The following ERCC6L2 variants were observed in gnomAD, a reference collection of about 807,000 sequenced individuals.
The protein encoded by ERCC6L2 is ERCC excision repair 6 like 2, also known as DNA excision repair protein ERCC-6-like 2.
In ERCC6L2, 77 loss-of-function variants were observed where a neutral mutation model predicts 132.0. The ratio of observed to expected loss-of-function variants is 0.58; its 90% CI spans 0.49 to 0.71. The LOEUF (loss-of-function observed/expected upper bound fraction) is 0.71, where lower values mean the gene tolerates loss of function less well. Ranked by LOEUF, ERCC6L2 falls within the 30% of genes least tolerant of loss-of-function variation. ERCC6L2 has a pLI of 0.00. For missense variants in ERCC6L2, 1,542 were observed against 1,837.6 expected (o/e 0.84, Z 2.94); for synonymous variants, 583 against 632.4 (o/e 0.92, Z 1.17).
At chr9:95,911,925 T>C (rs1044567224) in intron 4 of ERCC6L2, among the ~76,000 whole-genome samples, 33 of 152,236 alleles carry the variant, frequency 2.2e-4, no homozygotes, top group African/African-American at 8.0e-4. Flanking sequence ...AACATGTTTA[T>C]GCTGCAACTT....
At chr9:95,987,488 C>A (rs1157425644) in intron 17 of ERCC6L2, among the ~76,000 whole-genome samples, 1 of 152,178 alleles carries the variant, frequency 6.6e-6, no homozygotes, top group Non-Finnish European at 1.5e-5. Flanking sequence ...GTGGGGCAGT[C>A]AAATCTTAAA....
At chr9:96,008,485 T>C (rs566063191) in intron 18 of ERCC6L2, among the ~76,000 whole-genome samples, 2 of 152,322 alleles carry the variant, frequency 1.3e-5, no homozygotes, top group East Asian at 3.9e-4. Context: ...GTTAATTCTT[T>C]GTGCCCTCTG....
At chr9:95,902,710 G>A (rs183209867) in intron 3 of ERCC6L2, among the ~76,000 whole-genome samples, 1 of 152,080 alleles carries the variant, frequency 6.6e-6, no homozygotes, top group East Asian at 1.9e-4. Flanking sequence ...GTTTGCACTA[G>A]GTATTAGCAA....
Position 95,881,096 on chromosome 9 carries a change from C to G in ERCC6L2, c.274C>G (p.Pro92Ala). The change falls in exon 2 of 19, where the codon CCT becomes GCT. Residue 92 changes from proline (P) to alanine (A), a missense_variant. Around this residue, in one of 4 missense-constraint regions of ERCC6L2, gnomAD observed 153 missense variants for 132.3 expected, o/e 1.16. Coordinates refer to ENST00000653738, the MANE Select transcript of ERCC6L2 (RefSeq NM_020207.7). ...ATTTGATGATGAAGATTTAGAAAAA[C>G]CTTATTTCCCAAACCGAAAATTTCC... is the stretch of plus-strand genomic sequence containing the variant. ...LIFDDEDLEK[P>A]YFPNRKFPSS... 6.2e-7 allele frequency: 1 copy of G among 1,613,116 alleles called. No homozygotes were observed. Among genetic ancestry groups the G allele is most frequent in the Non-Finnish European group, 8.5e-7 (1 of 1,179,744 alleles).
chr9:95,976,608 C>T (rs1832683626), intron 16 of ERCC6L2, among the ~76,000 whole-genome samples: 1 of 152,138 alleles, frequency 6.6e-6, no homozygotes, highest in African/African-American at 2.4e-5. Flanking sequence ...ATTTTCCCCA[C>T]CTGCTTGTAC....
chr9:96,018,960 T>C (rs1834239129), downstream of ERCC6L2, among the ~76,000 whole-genome samples: 1 of 152,202 alleles, frequency 6.6e-6, no homozygotes, highest in African/African-American at 2.4e-5. Context: ...TTTCGTTAGC[T>C]AAATAGGCCT....
At chr9:95,878,147 C>T (rs1827388460) in intron 1 of ERCC6L2, among the ~76,000 whole-genome samples, 1 of 152,166 alleles carries the variant, frequency 6.6e-6, no homozygotes, top group African/African-American at 2.4e-5. Context: ...TGCCTGTGGG[C>T]TAAAACTGGT....
chr9:95,900,931 A>G (rs1331560565), intron 3 of ERCC6L2, among the ~76,000 whole-genome samples: 2 of 152,094 alleles, frequency 1.3e-5, no homozygotes, highest in Non-Finnish European at 2.9e-5. Flanking sequence ...TTCAGAGGCC[A>G]GGTGTGGTGG....
intron 17 of ERCC6L2, among the ~76,000 whole-genome samples, chr9:95,988,612 C>T (rs1245726400): frequency 1.3e-5 from 2 of 152,262 alleles, no homozygotes; most frequent in African/African-American, 4.8e-5. Flanking sequence ...GGCAAATATC[C>T]TCCAGAAATT....
At position 95,974,236 on chromosome 9, in the gene ERCC6L2, A is replaced by G. The variant is rs568180327; in HGVS notation, c.3337+1148A>G. 2.0e-5 allele frequency among the ~76,000 whole-genome samples: 3 copies of G among 152,166 alleles called. No homozygotes were observed. In the South Asian group the frequency reaches 6.2e-4, roughly 32 times the overall value. ...AAGAGGTACTTCACTACTTCCCTTCATTATTGCTTACCCAGTGGCGCAGTT... is the reference window on the plus strand; with the variant it reads ...AAGAGGTACTTCACTACTTCCCTTCGTTATTGCTTACCCAGTGGCGCAGTT... On this transcript the variant is annotated intron_variant, in intron 16 of 18. Transcript: ENST00000653738.
chr9:96,036,806 G>A (rs13283633), intron 19 of ERCC6L2, among the ~76,000 whole-genome samples: 7,795 of 141,456 alleles, frequency 0.055, 326 homozygotes, highest in Middle Eastern at 0.12. Context: ...TCACTCTGTC[G>A]CCCAGGCTGG....
intron 3 of ERCC6L2, among the ~76,000 whole-genome samples, chr9:95,905,524 A>T (rs1056804829): frequency 6.6e-6 from 1 of 152,190 alleles, no homozygotes. Flanking sequence ...TCATCTCGTA[A>T]TATACAAAAA....
chr9:95,950,345 A>G (rs1831272949), intron 12 of ERCC6L2, among the ~76,000 whole-genome samples: 1 of 152,206 alleles, frequency 6.6e-6, no homozygotes, highest in Non-Finnish European at 1.5e-5. Flanking sequence ...AAGTATATGT[A>G]AAAGGAAATG....
chr9:96,009,146 G>A (rs769860398), intron 18 of ERCC6L2, among the ~76,000 whole-genome samples: 1 of 152,240 alleles, frequency 6.6e-6, no homozygotes, highest in Non-Finnish European at 1.5e-5. Context: ...CGGGGAGTTT[G>A]CTTTTGGAAT....
At chr9:95,918,529 A>T in intron 6 of ERCC6L2, 1 of 482,534 alleles carries the variant, frequency 2.1e-6, no homozygotes, top group Non-Finnish European at 4.1e-6. Flanking sequence ...GCTAAAGACA[A>T]AATGATGAAT....
rs973459296 is a variant in ERCC6L2, at chr9:96,018,031, G to C, written c.*4828G>C. Among the ~76,000 whole-genome samples, 4 of 152,166 alleles carry C rather than the reference G, an allele frequency of 2.6e-5. No homozygotes were observed. Among genetic ancestry groups the C allele is most frequent in the Non-Finnish European group, 5.9e-5 (4 of 68,030 alleles). ...TGATTCCACTTATATAAAGTACCTAGATTAGTCAGATTCATAGAGACAAAG... is the reference window on the plus strand; with the variant it reads ...TGATTCCACTTATATAAAGTACCTACATTAGTCAGATTCATAGAGACAAAG... On this transcript the variant is annotated 3_prime_UTR_variant, in exon 19 of 19. Transcript: ENST00000653738.
At chr9:95,913,548 C>T (rs1182603975) in intron 4 of ERCC6L2, among the ~76,000 whole-genome samples, 1 of 152,064 alleles carries the variant, frequency 6.6e-6, no homozygotes, top group Non-Finnish European at 1.5e-5. Flanking sequence ...TGACATAAAA[C>T]GTACCCTTGT....
At chr9:95,967,556 C>T (rs1832214105) in intron 14 of ERCC6L2, 3 of 152,128 alleles carry the variant, frequency 2.0e-5, no homozygotes. Context: ...TACATAATAA[C>T]CATGCAATGT....
At chr9:95,963,119 A>C (rs1831987895) in intron 13 of ERCC6L2, among the ~76,000 whole-genome samples, 1 of 151,228 alleles carries the variant, frequency 6.6e-6, no homozygotes, top group Admixed American at 6.6e-5. Context: ...AAACAATCTA[A>C]AGTTTGGCAT....
Sources: allele counts gnomAD v4.1 joint callset (sites outside exome capture counted in the v4.1 genomes callset), GRCh38; gene constraint gnomAD v4.1.1; regional missense constraint gnomAD v4.1.1; transcripts MANE v1.5; gene names NCBI Gene and HGNC (gene_info 2026-07-23, HGNC 2026-07-21).